FIGN: variants seen among roughly 807,000 people sequenced by gnomAD.
The protein encoded by FIGN is fidgetin.
FIGN carries 11 observed loss-of-function variants against 51.3 expected under a neutral mutation model. The ratio of observed to expected loss-of-function variants is 0.21; its 90% CI spans 0.13 to 0.35. The LOEUF (loss-of-function observed/expected upper bound fraction) is 0.35, where lower values mean the gene tolerates loss of function less well. Ranked by LOEUF, FIGN falls within the 10% of genes least tolerant of loss-of-function variation. The pLI is 1.00. For missense variants in FIGN, 857 were observed against 943.6 expected, an observed-to-expected ratio of 0.91 and a Z score of 1.20; for synonymous variants, 407 against 363.2, an observed-to-expected ratio of 1.12 and a Z score of -1.37.
intron 2 of FIGN, among the ~76,000 whole-genome samples, chr2:163,653,452 TAAC>T (rs1342112955): frequency 6.6e-6 from 1 of 152,084 alleles, no homozygotes; most frequent in Non-Finnish European, 1.5e-5. Flanking sequence ...GTATTTTGGA[TAAC>T]AAATTGAAGG....
chr2:163,661,074 G>A (rs962059794), intron 2 of FIGN, among the ~76,000 whole-genome samples: 1 of 146,324 alleles, frequency 6.8e-6, no homozygotes, highest in African/African-American at 2.5e-5. Context: ...AGTAGAGACA[G>A]GGTTTCACCA....
intron 2 of FIGN, among the ~76,000 whole-genome samples, chr2:163,631,982 T>C (rs1434379640): frequency 6.6e-6 from 1 of 152,094 alleles, no homozygotes; most frequent in Non-Finnish European, 1.5e-5. Context: ...ACCGCGTCTC[T>C]ACTAAAAATA....
chr2:163,698,968 G>C (rs1684366285), intron 2 of FIGN, among the ~76,000 whole-genome samples: 1 of 152,138 alleles, frequency 6.6e-6, no homozygotes. Flanking sequence ...TGTCTCTCTA[G>C]GCAAGGCAGT....
intron 2 of FIGN, among the ~76,000 whole-genome samples, chr2:163,619,278 T>C (rs553203275): frequency 6.6e-6 from 1 of 152,314 alleles, no homozygotes; most frequent in East Asian, 1.9e-4. Context: ...TCCAAAGTTA[T>C]GCTTCTTATT....
At chr2:163,628,700 T>C (rs1683095515) in intron 2 of FIGN, among the ~76,000 whole-genome samples, 1 of 151,960 alleles carries the variant, frequency 6.6e-6, no homozygotes, top group South Asian at 2.1e-4. Context: ...ACCAATTATA[T>C]TTGGAGGAAT....
intron 2 of FIGN, among the ~76,000 whole-genome samples, chr2:163,683,742 A>C (rs2105340678): frequency 6.6e-6 from 1 of 152,308 alleles, no homozygotes; most frequent in African/African-American, 2.4e-5. Flanking sequence ...TGAGATTTTT[A>C]AAGCTCCCCA....
intron 2 of FIGN, among the ~76,000 whole-genome samples, chr2:163,679,243 C>T (rs1267786839): frequency 6.6e-6 from 1 of 152,054 alleles, no homozygotes; most frequent in Non-Finnish European, 1.5e-5. Flanking sequence ...CCTGTAATCC[C>T]AGCACTTTGG....
At chr2:163,714,392 C>A (rs1024101486) in intron 2 of FIGN, among the ~76,000 whole-genome samples, 3 of 152,154 alleles carry the variant, frequency 2.0e-5, no homozygotes, top group African/African-American at 7.2e-5. Context: ...CTAATCACAT[C>A]TAGGAAGCAC....
At chr2:163,728,607 A>T (rs942981773) in intron 2 of FIGN, among the ~76,000 whole-genome samples, 4 of 152,150 alleles carry the variant, frequency 2.6e-5, no homozygotes, top group Non-Finnish European at 2.9e-5. Flanking sequence ...CTCAACTCTC[A>T]TTAGTATCTT....
chr2:163,657,414 T>A (rs893696016), intron 2 of FIGN, among the ~76,000 whole-genome samples: 3 of 152,078 alleles, frequency 2.0e-5, no homozygotes, highest in African/African-American at 7.2e-5. Context: ...AAATCTGGCA[T>A]ACATACCATG....
intron 2 of FIGN, among the ~76,000 whole-genome samples, chr2:163,619,664 A>G (rs1022184612): frequency 6.6e-6 from 1 of 152,192 alleles, no homozygotes; most frequent in Non-Finnish European, 1.5e-5. Context: ...TGAATGCATA[A>G]GCATTATGCA....
At chr2:163,649,797 A>G (rs531118895) in intron 2 of FIGN, among the ~76,000 whole-genome samples, 2 of 152,376 alleles carry the variant, frequency 1.3e-5, no homozygotes, top group Admixed American at 6.5e-5. Context: ...TGAGTTTACA[A>G]GAGGAAATTT....
Position 163,606,244 on chromosome 2 carries a change from A to C in FIGN, c.*3308T>G, listed in dbSNP as rs1691109487. The C allele has an allele frequency of 6.6e-6, 1 of 152,276 alleles. No homozygotes were observed. Among genetic ancestry groups the C allele is most frequent in the South Asian group, 2.1e-4 (1 of 4,828 alleles). The allele number at this position is 152,276 out of a possible 1,614,324, so 9.4% of individuals were successfully genotyped here. ...TTTTCATATTGTCACTAATGTTCTA[A>C]ATATTTGGGAGAGAAGCATGCCAGA... On this transcript the variant is annotated 3_prime_UTR_variant, in exon 3 of 3. Transcript: ENST00000333129.
chr2:163,722,061 C>A (rs1176924909), intron 2 of FIGN, among the ~76,000 whole-genome samples: 2 of 152,002 alleles, frequency 1.3e-5, no homozygotes, highest in African/African-American at 4.8e-5. Flanking sequence ...AGTAGCTGAC[C>A]CTTCCACGAG....
At position 163,609,384 on chromosome 2, in the gene FIGN, G is replaced by T; in HGVS notation, c.*168C>A. The T allele has an allele frequency of 1.6e-6, 1 of 621,156 alleles. No individual in the cohort carries two copies. 38.5% of individuals were successfully genotyped at this position (621,156 alleles called of 1,614,324 possible). ...TTCAAATCAGAAGCTCTCATTTGAT[G>T]CACTTTTCCTCCAAATCTACCCTGA... is the stretch of plus-strand genomic sequence containing the variant. On this transcript the variant is annotated 3_prime_UTR_variant, in exon 3 of 3. Coordinates refer to ENST00000333129, the MANE Select transcript of FIGN (RefSeq NM_018086.4).
At chr2:163,669,896 T>C (rs993639291) in intron 2 of FIGN, among the ~76,000 whole-genome samples, 1 of 152,210 alleles carries the variant, frequency 6.6e-6, no homozygotes, top group Non-Finnish European at 1.5e-5. Context: ...TAGGATTTAA[T>C]AGAAAAGTTA....
intron 2 of FIGN, among the ~76,000 whole-genome samples, chr2:163,728,611 G>C (rs1684877372): frequency 6.6e-6 from 1 of 152,100 alleles, no homozygotes; most frequent in African/African-American, 2.4e-5. Context: ...ACTCTCATTA[G>C]TATCTTTTTC....
At chr2:163,673,868 T>A (rs1303865526) in intron 2 of FIGN, among the ~76,000 whole-genome samples, 3 of 152,166 alleles carry the variant, frequency 2.0e-5, no homozygotes, top group African/African-American at 4.8e-5. Flanking sequence ...AAGGTGAACA[T>A]GTATTACAGG....
At position 163,650,260 on chromosome 2, in the gene FIGN, G is replaced by C. The variant is rs148312371; in HGVS notation, c.26-38454C>G. Among the ~76,000 whole-genome samples the C allele has an allele frequency of 1.6e-3, 244 of 151,772 alleles. 4 individuals are homozygous for C. The highest frequency in any genetic ancestry group is 5.4e-4 in the Non-Finnish European group (37 of 67,946). On this transcript the variant is annotated intron_variant, in intron 2 of 2. Coordinates refer to ENST00000333129, the MANE Select transcript of FIGN (RefSeq NM_018086.4). Reference sequence around the variant, plus strand: ...AGTGATACACTCAGGGACCTATAGAGCTTACTAGAGTCTATATTCAATGAT... The same window carrying C: ...AGTGATACACTCAGGGACCTATAGACCTTACTAGAGTCTATATTCAATGAT...
Sources: gnomAD v4.1 joint callset for allele counts (sites outside exome capture counted in the v4.1 genomes callset) on GRCh38, gnomAD v4.1.1 for gene constraint, MANE v1.5 for transcripts, NCBI Gene and HGNC (gene_info 2026-07-23, HGNC 2026-07-21) for gene names.